Variants in RNF150 observed in about 807,000 individuals in gnomAD.
RNF150 encodes the protein ring finger protein 150.
RNF150 carries 24 observed loss-of-function variants against 39.3 expected under a neutral mutation model. That is an observed-to-expected ratio of 0.61 (90% CI 0.44 to 0.86). The LOEUF is 0.86. RNF150 is among the 40% of genes least tolerant of loss of function. The probability of loss-of-function intolerance (pLI) is 0.00; values close to 1 mark genes in which losing one functional copy is unlikely to be tolerated. For synonymous variants in RNF150, 255 were observed against 227.3 expected (o/e 1.12, Z -1.10); for missense variants, 502 against 587.8 (o/e 0.85, Z 1.51).
At chr4:140,929,605 A>T (rs1282710960) in intron 4 of RNF150, among the ~76,000 whole-genome samples, 1 of 151,714 alleles carries the variant, frequency 6.6e-6, no homozygotes, top group Admixed American at 6.6e-5. Flanking sequence ...TGAACTCGTG[A>T]TCCACTTGCC....
chr4:141,123,438 CA>C (rs1314445123), intron 1 of RNF150, among the ~76,000 whole-genome samples: 1 of 152,104 alleles, frequency 6.6e-6, no homozygotes, highest in African/African-American at 2.4e-5. Flanking sequence ...GGTTTCCTTC[CA>C]AAAAATTTAT....
intron 1 of RNF150, among the ~76,000 whole-genome samples, chr4:141,021,023 G>A: frequency 6.6e-6 from 1 of 152,134 alleles, no homozygotes; most frequent in East Asian, 1.9e-4. Context: ...AAACACACAT[G>A]GGAATGTAAG....
At chr4:141,181,860 T>C (rs1439980953) in intron 1 of RNF150, among the ~76,000 whole-genome samples, 1 of 152,192 alleles carries the variant, frequency 6.6e-6, no homozygotes, top group Non-Finnish European at 1.5e-5. Flanking sequence ...CCCAGCATTT[T>C]TATATTCAAC....
At chr4:140,871,149 T>C (rs1196372071) in intron 6 of RNF150, among the ~76,000 whole-genome samples, 1 of 152,188 alleles carries the variant, frequency 6.6e-6, no homozygotes, top group Non-Finnish European at 1.5e-5. Flanking sequence ...CCTTTAGGGC[T>C]AAAGTTTAAT....
intron 1 of RNF150, among the ~76,000 whole-genome samples, chr4:141,120,557 T>C (rs1009039254): frequency 6.6e-6 from 1 of 152,036 alleles, no homozygotes; most frequent in African/African-American, 2.4e-5. Context: ...AATAGATGAA[T>C]GGCTACTAGA....
chr4:141,087,763 A>G (rs1000747788), intron 1 of RNF150, among the ~76,000 whole-genome samples: 15 of 152,154 alleles, frequency 9.9e-5, no homozygotes, highest in Admixed American at 9.2e-4. Flanking sequence ...CTCACCCAAC[A>G]TAAGTTGGAC....
chr4:140,907,018 AGTCATCT>A (rs1730405337), intron 6 of RNF150, among the ~76,000 whole-genome samples: 1 of 152,166 alleles, frequency 6.6e-6, no homozygotes, highest in African/African-American at 2.4e-5. Context: ...GGGATAATAA[AGTCATCT>A]TTTCTGTGTC....
rs910693729 is a variant in RNF150 at position 141,171,407 on chromosome 4, C to CGT, written c.-6+41385_-6+41386dup. ...AGTTATATAAAACACATTTTCTCTG[C>CGT]GTGTGTGTGTGCACACACCCATGTG... On this transcript the variant is annotated intron_variant, in intron 1 of 7. Transcript: ENST00000420921. Among the ~76,000 whole-genome samples the CGT allele has an allele frequency of 3.3e-5, 5 of 151,430 alleles. No homozygotes were observed. The East Asian group carries it at 7.8e-4, about 24-fold the overall frequency.
intron 1 of RNF150, among the ~76,000 whole-genome samples, chr4:141,038,564 G>A (rs1232303600): frequency 6.6e-6 from 1 of 151,998 alleles, no homozygotes; most frequent in Non-Finnish European, 1.5e-5. Context: ...GGTGGCATGT[G>A]TCTGTAGTCC....
At chr4:141,058,706 G>C (rs1737091766) in intron 1 of RNF150, among the ~76,000 whole-genome samples, 1 of 152,118 alleles carries the variant, frequency 6.6e-6, no homozygotes, top group Non-Finnish European at 1.5e-5. Context: ...ATTGTTATGA[G>C]TATTAAGTGT....
intron 6 of RNF150, among the ~76,000 whole-genome samples, chr4:140,871,053 G>C (rs1728920143): frequency 6.6e-6 from 1 of 151,318 alleles, no homozygotes; most frequent in Admixed American, 6.6e-5. Flanking sequence ...ATACTTATGA[G>C]AACTGGGAAT....
intron 6 of RNF150, among the ~76,000 whole-genome samples, chr4:140,909,149 G>A (rs532734303): frequency 6.6e-6 from 1 of 152,234 alleles, no homozygotes; most frequent in South Asian, 2.1e-4. Flanking sequence ...TATTTGACCT[G>A]AGTCAGACAT....
At chr4:141,057,995 G>A (rs1475571090) in intron 1 of RNF150, among the ~76,000 whole-genome samples, 1 of 152,126 alleles carries the variant, frequency 6.6e-6, no homozygotes, top group Non-Finnish European at 1.5e-5. Context: ...GCAAGCTACT[G>A]TGGCTAGGGT....
At chr4:140,981,349 T>C (rs1229282332) in intron 1 of RNF150, among the ~76,000 whole-genome samples, 1 of 152,174 alleles carries the variant, frequency 6.6e-6, no homozygotes, top group African/African-American at 2.4e-5. Flanking sequence ...ATACACTTTA[T>C]ACAAATAGTC....
chr4:140,968,264 CT>C (rs1486415569), intron 1 of RNF150, among the ~76,000 whole-genome samples: 1 of 151,924 alleles, frequency 6.6e-6, no homozygotes, highest in East Asian at 2.0e-4. Context: ...GGGAATGGGA[CT>C]TTGCATTCCA....
At chr4:140,878,435 A>C (rs1476026347) in intron 6 of RNF150, among the ~76,000 whole-genome samples, 3 of 152,034 alleles carry the variant, frequency 2.0e-5, no homozygotes, top group African/African-American at 7.2e-5. Context: ...GGCCTCCCAA[A>C]GTGCTGGGAT....
At chr4:140,946,640 C>T (rs918942222) in intron 4 of RNF150, among the ~76,000 whole-genome samples, 10 of 152,022 alleles carry the variant, frequency 6.6e-5, no homozygotes, top group African/African-American at 2.4e-4. Flanking sequence ...GCGAGTGCCA[C>T]CATGTACTGA....
At chr4:141,051,165 G>A (rs964242855) in intron 1 of RNF150, among the ~76,000 whole-genome samples, 1 of 152,088 alleles carries the variant, frequency 6.6e-6, no homozygotes, top group South Asian at 2.1e-4. Flanking sequence ...TGGCTGGAGC[G>A]ACTGGGATGC....
At chr4:141,177,054 GAAAAAAAAAA>G (rs5862514) in intron 1 of RNF150, among the ~76,000 whole-genome samples, 1 of 111,700 alleles carries the variant, frequency 9.0e-6, no homozygotes, top group Non-Finnish European at 1.8e-5. Context: ...TGTCTCCTAG[GAAAAAAAAAA>G]AAAAAAAAAA....
Sources: allele counts gnomAD v4.1 joint callset (sites outside exome capture counted in the v4.1 genomes callset), GRCh38; gene constraint gnomAD v4.1.1; transcripts MANE v1.5; gene names NCBI Gene and HGNC (gene_info 2026-07-23, HGNC 2026-07-21).